PKD1: variants seen among roughly 807,000 people sequenced by gnomAD.
PKD1 encodes the protein polycystin-1.
PKD1 carries 81 observed loss-of-function variants against 361.7 expected under a neutral mutation model. That is an observed-to-expected ratio of 0.22 (90% confidence interval 0.19 to 0.27). The LOEUF (loss-of-function observed/expected upper bound fraction) is 0.27. Ranked by LOEUF, PKD1 falls within the 10% of genes least tolerant of loss-of-function variation. The probability of loss-of-function intolerance (pLI) is 1.00; values close to 1 mark genes in which losing one functional copy is unlikely to be tolerated. For missense variants in PKD1, 6,399 were observed against 6,118.3 expected (o/e 1.05, Z -1.53); for synonymous variants, 3,615 against 2,818.3 (o/e 1.28, Z -8.95).
At position 2,090,357 on chromosome 16, in the gene PKD1, G is replaced by T. The variant is rs200323046; in HGVS notation, c.12372C>A (p.Pro4124=). 36 of 1,612,610 alleles carry T rather than the reference G, an allele frequency of 2.2e-5. No individual in the cohort carries two copies. The highest frequency in any genetic ancestry group is 3.0e-5 in the Non-Finnish European group (35 of 1,179,892). Residue 4124 remains proline (P), a synonymous_variant, in exon 45 of 46, where the codon CCC becomes CCA. Coordinates refer to ENST00000262304, the MANE Select transcript of PKD1 (RefSeq NM_001009944.3). ...RGELYRPAWE[P]QDYEMVELFL... ...ACAACTCCACCATCTCGTAGTCCTG[G>T]GGCTCCCAGGCCGGCCGGTACAGCT...
chr16:2,090,177 G>A lies in PKD1; in HGVS notation c.12462C>T (p.Arg4154=), dbSNP rs748314052. Residue 4154 remains arginine (R), a synonymous_variant, in exon 46 of 46, where the codon CGC becomes CGT. Coordinates refer to ENST00000262304, the MANE Select transcript of PKD1 (RefSeq NM_001009944.3). ...SKVKEFRHKV[R]FEGMEPLPSR... ...AGGGCAGCGGCTCCATCCCTTCAAA[G>A]CGGACTTTGTGGCGGAACTGGGGGC... 8 of 1,602,872 alleles carry A rather than the reference G, an allele frequency of 5.0e-6. No homozygotes were observed. The African/African-American group carries it at 1.1e-4, about 21-fold the overall frequency.
At chr16:2,111,894 G>A (rs781066034) in intron 14 of PKD1, 23 bp from the exon 15 acceptor site, 5 of 1,608,836 alleles carry the variant, frequency 3.1e-6, no homozygotes, top group Admixed American at 1.7e-5. Flanking sequence ...GCCCGAGTGG[G>A]GCAGCCGCGG....
Position 2,114,686 on chromosome 16 carries a change from G to T in PKD1, c.2337C>A (p.Thr779=), listed in dbSNP as rs568755614. 3 of 1,539,734 alleles carry T rather than the reference G, an allele frequency of 1.9e-6. No homozygotes were observed. Among genetic ancestry groups the T allele is most frequent in the African/African-American group, 2.7e-5 (2 of 73,188 alleles). Residue 779 remains threonine, a synonymous_variant, in exon 11 of 46, where the codon ACC becomes ACA. Coordinates refer to ENST00000262304, the MANE Select transcript of PKD1 (RefSeq NM_001009944.3). The part of the protein sequence containing the change: ...LRLLAATEQL[T]VLLGLRPNPG... ...GGTTGGGCCTCAAGCCCAGCAGCACGGTGAGCTGTTCCGTGGCTGCAAGCA... is the reference window on the plus strand; with the variant it reads ...GGTTGGGCCTCAAGCCCAGCAGCACTGTGAGCTGTTCCGTGGCTGCAAGCA...
In PKD1 at chr16:2,102,584, G is replaced by T; in HGVS notation, c.8998C>A (p.Arg3000Ser). The change falls in exon 25 of 46, where the codon CGC becomes AGC. Residue 3000 changes from arginine (R) to serine (S), a missense_variant. Transcript: ENST00000262304. ...SYHLNLSSHF[R>S]WSALQVSVGL... ...ACGGACACCTGCAGCGCCGACCAGCGGAAGTGGCTGGAGAGGTTCAGATGG... is the reference window on the plus strand; with the variant it reads ...ACGGACACCTGCAGCGCCGACCAGCTGAAGTGGCTGGAGAGGTTCAGATGG... 1 of 1,611,152 alleles carries T rather than the reference G, an allele frequency of 6.2e-7. No homozygotes were observed. Among genetic ancestry groups the T allele is most frequent in the Non-Finnish European group, 8.5e-7 (1 of 1,179,744 alleles).
Position 2,097,517 on chromosome 16 carries a change from G to A in PKD1, c.10221-14C>T, listed in dbSNP as rs201207354. ...CAGCACACCAGACTGCAGGTGGCGC[G>A]GGTCAGCAAGGTACCAGGGGATGTG... On this transcript the variant is annotated splice_polypyrimidine_tract_variant and intron_variant, in intron 32 of 45. Transcript: ENST00000262304. The A allele has an allele frequency of 2.6e-4, 413 of 1,601,410 alleles. 1 individual carries two copies. Among genetic ancestry groups the A allele is most frequent in the African/African-American group, 3.6e-4 (27 of 74,980 alleles).
In PKD1 at chr16:2,110,049, G is replaced by T. The variant is rs71385733; in HGVS notation, c.5118C>A (p.Ala1706=). 7.5e-6 allele frequency: 12 copies of T among 1,610,218 alleles called. No individual in the cohort carries two copies. Among genetic ancestry groups the T allele is most frequent in the Non-Finnish European group, 1.0e-5 (12 of 1,179,628 alleles). The change falls in exon 15 of 46, where the codon GCC becomes GCA. Residue 1706 remains alanine, a synonymous_variant. Transcript: ENST00000262304. ...CGAAGTCCATGGTGCAGTCGGCCCA[G>T]GCGCTGCCCAGCATGTTGGTGGCCC... ...QLRATNMLGS[A]WADCTMDFVE...
In PKD1 at chr16:2,089,113, C is replaced by T. The variant is rs371496391; in HGVS notation, c.*614G>A. 6 of 172,954 alleles carry T rather than the reference C, an allele frequency of 3.5e-5. No individual in the cohort carries two copies. The South Asian group carries it at 5.9e-4, about 17-fold the overall frequency. The allele number at this position is 172,954 out of a possible 1,614,324, so 10.7% of individuals were successfully genotyped here. On this transcript the variant is annotated 3_prime_UTR_variant, in exon 46 of 46. Transcript: ENST00000262304. ...TGGCAGACAGCTGTGCCCCCAGCACCGGCCCAAGGCCAAGCTCGCATCCAA... is the reference window on the plus strand; with the variant it reads ...TGGCAGACAGCTGTGCCCCCAGCACTGGCCCAAGGCCAAGCTCGCATCCAA...
At position 2,109,007 on chromosome 16, in the gene PKD1, C is replaced by G. The variant is rs139419984; in HGVS notation, c.6160G>C (p.Val2054Leu). 5.3e-5 allele frequency: 85 copies of G among 1,610,548 alleles called. 1 individual carries two copies. In the African/African-American group the frequency reaches 8.8e-4, roughly 17 times the overall value. ...TGGACGGCGTCCTGAACCTCCAGCA[C>G]CAGCGTGCGGTTCTCACTGCCCAGG... The part of the protein sequence containing the change: ...NALGSENRTL[V>L]LEVQDAVQYV... Residue 2054 changes from valine (V) to leucine (L), a missense_variant, in exon 15 of 46, where the codon GTG becomes CTG. Coordinates refer to ENST00000262304, the MANE Select transcript of PKD1 (RefSeq NM_001009944.3).
Position 2,112,864 on chromosome 16 carries a change from C to G in PKD1, c.3085G>C (p.Ala1029Pro), listed in dbSNP as rs745914626. 3 of 1,606,246 alleles carry G rather than the reference C, an allele frequency of 1.9e-6. No individual in the cohort carries two copies. Among genetic ancestry groups the G allele is most frequent in the Non-Finnish European group, 2.5e-6 (3 of 1,179,700 alleles). Residue 1029 changes from alanine to proline, a missense_variant, in exon 13 of 46, where the codon GCC becomes CCC. By Grantham distance (27) the Ala-to-Pro change is conservative (BLOSUM62 -1). Coordinates refer to ENST00000262304, the MANE Select transcript of PKD1 (RefSeq NM_001009944.3). ...MQGLQVSTVP[A>P]VLSPNATLAL... ...AGCGTGGCATTGGGGGACAGCACGG[C>G]CGGCACTGTGGAGACCTGCAGACCC... is the stretch of plus-strand genomic sequence containing the variant.
chr16:2,110,726 G>C lies in PKD1; in HGVS notation c.4441C>G (p.Leu1481Val), dbSNP rs763990985. 4.3e-6 allele frequency: 7 copies of C among 1,610,430 alleles called. No homozygotes were observed. Among genetic ancestry groups the C allele is most frequent in the Non-Finnish European group, 5.1e-6 (6 of 1,179,624 alleles). The change falls in exon 15 of 46, where the codon CTG becomes GTG. Residue 1481 changes from leucine (L) to valine (V), a missense_variant. Leu to Val is a conservative substitution (Grantham distance 32). Transcript: ENST00000262304. ...IKVNGSLGLELQQPYLFSAVG... is the reference protein window; with the variant it reads ...IKVNGSLGLEVQQPYLFSAVG... ...GCAGAGAACAGGTACGGCTGCTGCA[G>C]CTCCAGCCCAAGGGAGCCATTGACC...
At chr16:2,097,656 C>T (rs1237833630) in intron 32 of PKD1, 72 bp downstream of exon 32, 1 of 1,610,566 alleles carries the variant, frequency 6.2e-7, no homozygotes, top group Non-Finnish European at 8.5e-7. Flanking sequence ...CAAGGACACG[C>T]AGCCCGCACA....
At position 2,103,794 on chromosome 16, in the gene PKD1, G is replaced by T; in HGVS notation, c.8263C>A (p.Leu2755Met). 6.2e-7 allele frequency: 1 copy of T among 1,609,622 alleles called. No homozygotes were observed. The highest frequency in any genetic ancestry group is 8.5e-7 in the Non-Finnish European group (1 of 1,179,550). Residue 2755 changes from leucine (L) to methionine (M), a missense_variant, in exon 23 of 46, where the codon CTG becomes ATG. Physicochemically the swap from Leu to Met is conservative, Grantham distance 15 (BLOSUM62 2). Coordinates refer to ENST00000262304, the MANE Select transcript of PKD1 (RefSeq NM_001009944.3). Reference protein sequence around the residue: ...SRMVASQAYNLTSALMRILMR... With the variant: ...SRMVASQAYNMTSALMRILMR... ...AGGATGCGCATGAGGGCAGAGGTCA[G>T]GTTGTAGGCCTGGGACGCCACCATC... is the stretch of plus-strand genomic sequence containing the variant.
In PKD1 at chr16:2,111,795, G is replaced by A. The variant is rs75510884; in HGVS notation, c.3372C>T (p.Ala1124=). ...LTQQVPVSVR[A]SLPSVAVGVS... ...CACCCACAGCCACGGAGGGCAGGGA[G>A]GCGCGCACGCTCACAGGCACCTGCT... is the stretch of plus-strand genomic sequence containing the variant. The change falls in exon 15 of 46, where the codon GCC becomes GCT. Residue 1124 remains alanine (A), a synonymous_variant. Transcript: ENST00000262304. 0.099 allele frequency: 159,908 copies of A among 1,608,608 alleles called. 9,736 individuals carry two copies. The highest frequency in any genetic ancestry group is 0.27 in the African/African-American group (20,076 of 74,850).
chr16:2,105,829 C>T, intron 20 of PKD1, 36 bp downstream of exon 20: 1 of 1,584,796 alleles, frequency 6.3e-7, no homozygotes, highest in Non-Finnish European at 8.6e-7. Context: ...AGCACGCATG[C>T]AGCAGATGTG....
In PKD1 at chr16:2,103,463, C is replaced by A; in HGVS notation, c.8594G>T (p.Arg2865Leu). 6.2e-7 allele frequency: 1 copy of A among 1,600,150 alleles called. No individual in the cohort carries two copies. Among genetic ancestry groups the A allele is most frequent in the Non-Finnish European group, 8.5e-7 (1 of 1,179,604 alleles). Reference sequence around the variant, plus strand: ...GGTGATGGCGCGCTCTGAGGCCAGCCGCTCGATGGGGATCTGGGCGCCGGC... The same window carrying A: ...GGTGATGGCGCGCTCTGAGGCCAGCAGCTCGATGGGGATCTGGGCGCCGGC... ...TQAGAQIPIE[R>L]LASERAITVK... Residue 2865 changes from arginine to leucine, a missense_variant, in exon 23 of 46, where the codon CGG becomes CTG. Transcript: ENST00000262304.
intron 26 of PKD1, 87 bp downstream of exon 26, chr16:2,101,974 G>A (rs1390734398): frequency 9.9e-6 from 8 of 806,586 alleles, no homozygotes; most frequent in African/African-American, 5.2e-5. Flanking sequence ...TTGTTCTGAC[G>A]CCTGCGACGA....
Position 2,103,363 on chromosome 16 carries a change from C to A in PKD1, c.8694G>T (p.Val2898=). ...CACCGACGGAGGCCTGGGGCTGGAC[C>A]ACAACGGAGTTGGCGGAGTTGGCGG... ...RSSANSANSV[V]VQPQASVGAV... is the part of the protein sequence containing the mutation. Residue 2898 remains valine (V), a synonymous_variant, in exon 23 of 46, where the codon GTG becomes GTT. Transcript: ENST00000262304. 2 of 1,603,660 alleles carry A rather than the reference C, an allele frequency of 1.2e-6. No individual in the cohort carries two copies. Among genetic ancestry groups the A allele is most frequent in the East Asian group, 4.5e-5 (2 of 44,860 alleles).
chr16:2,119,327 G>A lies in PKD1; in HGVS notation c.267C>T (p.Asn89=). 4.4e-6 allele frequency: 6 copies of A among 1,351,900 alleles called. No individual in the cohort carries two copies. The highest frequency in any genetic ancestry group is 4.3e-5 in the African/African-American group (3 of 69,610). 83.7% of individuals were successfully genotyped at this position (1,351,900 alleles called of 1,614,324 possible). ...CTCACAGCTCTGCCAGCGCCGAGAG[G>A]TTCGCCAGGAGCCCAACGTCCAGCG... ...LRALDVGLLA[N]LSALAELDIS... The change falls in exon 2 of 46, where the codon AAC becomes AAT. Residue 89 remains asparagine, a synonymous_variant. Transcript: ENST00000262304.
chr16:2,115,312 C>T (rs2092613162), intron 10 of PKD1, 66 bp downstream of exon 10: 18 of 1,410,808 alleles, frequency 1.3e-5, no homozygotes, highest in Non-Finnish European at 1.8e-5. Flanking sequence ...GACCCAGACC[C>T]TGGGCAGCAG....
Sources: allele counts gnomAD v4.1 joint callset, GRCh38; gene constraint gnomAD v4.1.1; transcripts MANE v1.5; gene names NCBI Gene and HGNC (gene_info 2026-07-23, HGNC 2026-07-21).